RADIL: variants seen among roughly 807,000 people sequenced by gnomAD.
RADIL encodes the protein Rap associating with DIL domain, also known as ras-associating and dilute domain-containing protein.
RADIL carries 99 observed loss-of-function variants against 97.6 expected under a neutral mutation model. The observed-to-expected ratio is 1.01, with a 90% CI of 0.86 to 1.20. The LOEUF (loss-of-function observed/expected upper bound fraction) is 1.20, where lower values mean the gene tolerates loss of function less well. RADIL is among the 50% of genes most tolerant of loss of function. RADIL has a pLI of 0.00. For synonymous variants in RADIL, 803 were observed against 691.8 expected (o/e 1.16, Z -2.52); for missense variants, 1,765 against 1,498.9 (o/e 1.18, Z -2.93).
intron 10 of RADIL, chr7:4,805,211 C>T (rs919340694): frequency 2.1e-5 from 6 of 285,344 alleles, no homozygotes; most frequent in South Asian, 1.3e-4. Context: ...CTCAGGGATG[C>T]GTCCCCACGG....
At chr7:4,802,877 C>T (rs1782154228) in intron 11 of RADIL, among the ~76,000 whole-genome samples, 2 of 106,296 alleles carry the variant, frequency 1.9e-5, no homozygotes, top group African/African-American at 8.5e-5. Context: ...CCTCGGGGCA[C>T]TCTGGCTGGG....
At position 4,834,310 on chromosome 7, in the gene RADIL, C is replaced by T. The variant is rs1461122369; in HGVS notation, c.1416+297G>A. ...CTCCTGGCACGTGACAGTGCTGGGC[C>T]CAGCTGGACCCCAGGGAGGGTACAA... On this transcript the variant is annotated intron_variant, in intron 4 of 14. Transcript: ENST00000399583. This position sits in a 1 kb window ranked among gnomAD's most constrained non-coding sequence, Gnocchi z 6.0. Among the ~76,000 whole-genome samples, 3 of 152,074 alleles carry T rather than the reference C, an allele frequency of 2.0e-5. No individual in the cohort carries two copies. The highest frequency in any genetic ancestry group is 1.5e-5 in the Non-Finnish European group (1 of 67,990).
At chr7:4,830,446 G>A (rs904714123) in intron 5 of RADIL, among the ~76,000 whole-genome samples, 17 of 152,204 alleles carry the variant, frequency 1.1e-4, no homozygotes, top group Non-Finnish European at 1.6e-4. Flanking sequence ...GCAAACAGCC[G>A]TTGGAGAGTG....
At chr7:4,832,282 C>G in intron 4 of RADIL, 104 bp from the exon 5 acceptor site, 1 of 1,146,132 alleles carries the variant, frequency 8.7e-7, no homozygotes, top group Middle Eastern at 1.9e-4. Context: ...CCATGCTGCC[C>G]CAGGCATCCT....
At chr7:4,862,727 G>A (rs1048099509) in intron 2 of RADIL, among the ~76,000 whole-genome samples, 4 of 151,854 alleles carry the variant, frequency 2.6e-5, no homozygotes, top group South Asian at 2.1e-4. Context: ...GAGAAACCCC[G>A]TCACTACTAA....
chr7:4,849,887 A>G lies in RADIL; in HGVS notation c.536-13282T>C, dbSNP rs181280745. The stretch of plus-strand genomic sequence containing the variant: ...TAAAAATCCTAGGTAATAAGAAAGT[A>G]TTATGTCCTAGTTTAATTGTATTTT... On this transcript the variant is annotated intron_variant, in intron 2 of 14. Coordinates refer to ENST00000399583, the MANE Select transcript of RADIL (RefSeq NM_018059.5). The surrounding 1 kb of genome is among the most constrained non-coding windows in gnomAD (Gnocchi z 5.4). Among the ~76,000 whole-genome samples the G allele has an allele frequency of 2.6e-5, 4 of 152,180 alleles. No homozygotes were observed. Among genetic ancestry groups the G allele is most frequent in the Admixed American group, 2.6e-4 (4 of 15,276 alleles).
chr7:4,837,720 A>G lies in RADIL; in HGVS notation c.536-1115T>C, dbSNP rs1292140465. ...ATGCACACAAACATGCGCACAGTTCAGAGATAACACACACCCTTAGAAGAC... is the reference window on the plus strand; with the variant it reads ...ATGCACACAAACATGCGCACAGTTCGGAGATAACACACACCCTTAGAAGAC... On this transcript the variant is annotated intron_variant, in intron 2 of 14. Transcript: ENST00000399583. The surrounding 1 kb of genome is among the most constrained non-coding windows in gnomAD (Gnocchi z 5.6). 2 of 581,088 alleles carry G rather than the reference A, an allele frequency of 3.4e-6. No individual in the cohort carries two copies. The highest frequency in any genetic ancestry group is 4.3e-6 in the Non-Finnish European group (2 of 461,520). The allele number at this position is 581,088 out of a possible 1,614,324, so 36.0% of individuals were successfully genotyped here.
rs532017320 is a variant in RADIL at position 4,809,275 on chromosome 7, C to A, written c.2140-3559G>T. On this transcript the variant is annotated intron_variant, in intron 9 of 14. Coordinates refer to ENST00000399583, the MANE Select transcript of RADIL (RefSeq NM_018059.5). The stretch of plus-strand genomic sequence containing the variant: ...GCCAAGCTGGGCGAGAGGCCGGGGC[C>A]CCCCTTCCATCACGAGGTTCCTGCC... 5.5e-3 allele frequency: 5,403 copies of A among 985,346 alleles called. 26 individuals are homozygous for A. The highest frequency in any genetic ancestry group is 5.9e-3 in the Non-Finnish European group (4,868 of 829,894). The allele number at this position is 985,346 out of a possible 1,614,324, so 61.0% of individuals were successfully genotyped here.
intron 2 of RADIL, chr7:4,865,292 A>G (rs1784106172): frequency 4.5e-6 from 2 of 441,454 alleles, no homozygotes; most frequent in South Asian, 5.0e-5. Flanking sequence ...ATTTTGGACA[A>G]CAGACCATAT....
chr7:4,808,221 C>T (rs1782408979), intron 9 of RADIL, among the ~76,000 whole-genome samples: 3 of 149,226 alleles, frequency 2.0e-5, no homozygotes, highest in African/African-American at 2.5e-5. Context: ...GGCATCCCTC[C>T]GCCCCCTCTC....
intron 2 of RADIL, chr7:4,860,191 A>T: frequency 6.2e-7 from 1 of 1,614,032 alleles, no homozygotes; most frequent in Non-Finnish European, 8.5e-7. Flanking sequence ...TCATAGTGCT[A>T]GTAGATGAAG....
chr7:4,805,573 GA>G lies in RADIL; in HGVS notation c.2282del (p.Phe761SerfsTer111). 1 of 1,599,914 alleles carries G rather than the reference GA, an allele frequency of 6.3e-7. No homozygotes were observed. On this transcript the variant is annotated frameshift_variant, in exon 10 of 15. Coordinates refer to ENST00000399583, the MANE Select transcript of RADIL (RefSeq NM_018059.5). LOFTEE classifies it high-confidence loss of function. ...EPGAQDSPEA[F>X]RSEDVLESYE... is the part of the protein sequence containing the mutation. The stretch of plus-strand genomic sequence containing the variant: ...CCCTGGGGCAGGGCTTACCTGACCT[GA>G]AGGCCTCGGGGCTGTCCTGGGCCCC...
At position 4,805,640 on chromosome 7, in the gene RADIL, T is replaced by G; in HGVS notation, c.2216A>C (p.Gln739Pro). 6.2e-7 allele frequency: 1 copy of G among 1,611,862 alleles called. No individual in the cohort carries two copies. Among genetic ancestry groups the G allele is most frequent in the Non-Finnish European group, 8.5e-7 (1 of 1,179,878 alleles). The change falls in exon 10 of 15, where the codon CAG (glutamine) becomes CCG (proline). Residue 739 changes from glutamine to proline, a missense_variant. By Grantham distance (76) the Gln-to-Pro change is moderately conservative (BLOSUM62 -1). Transcript: ENST00000399583. ...CATGGGGCCCATGGCCGAGGCCAGCTGGTAGTGAGTCAGCAGCCGGTGCAG... is the reference window on the plus strand; with the variant it reads ...CATGGGGCCCATGGCCGAGGCCAGCGGGTAGTGAGTCAGCAGCCGGTGCAG... ...AQLHRLLTHY[Q>P]LASAMGPMST...
In RADIL at chr7:4,880,136, G is replaced by C. The variant is rs1036548297; in HGVS notation, c.-64-1933C>G. 6.6e-6 allele frequency among the ~76,000 whole-genome samples: 1 copy of C among 152,134 alleles called. No individual in the cohort carries two copies. Among genetic ancestry groups the C allele is most frequent in the Non-Finnish European group, 1.5e-5 (1 of 68,034 alleles). On this transcript the variant is annotated intron_variant, in intron 1 of 14. Transcript: ENST00000399583. The surrounding 1 kb of genome is among the most constrained non-coding windows in gnomAD (Gnocchi z 4.5). Reference sequence around the variant, plus strand: ...GGCTTTCTGAAGAGGTGAATTTGCTGTAACAGGTCACGGAGTTCCCAGTAC... The same window carrying C: ...GGCTTTCTGAAGAGGTGAATTTGCTCTAACAGGTCACGGAGTTCCCAGTAC...
At position 4,836,436 on chromosome 7, in the gene RADIL, C is replaced by T. The variant is rs757727545; in HGVS notation, c.705G>A (p.Glu235=). 1 of 1,594,736 alleles carries T rather than the reference C, an allele frequency of 6.3e-7. No homozygotes were observed. The highest frequency in any genetic ancestry group is 1.3e-5 in the African/African-American group (1 of 74,638). Residue 235 remains glutamate (E), a synonymous_variant, in exon 3 of 15, where the codon GAG becomes GAA. Transcript: ENST00000399583. ...AGTACCGCATGGCGTCGGGGCCGGG[C>T]TCCTCGGGGCCCTGGGCGGCAGCGG... is the stretch of plus-strand genomic sequence containing the variant. ...ALPAAAQGPE[E]PGPDAMRYSL... is the part of the protein sequence containing the mutation.
intron 2 of RADIL, chr7:4,861,159 T>A: frequency 1.2e-6 from 2 of 1,614,252 alleles, no homozygotes; most frequent in East Asian, 4.5e-5. Context: ...AAGTTGTCAA[T>A]GTTTGGCACT....
rs1269460783 is a variant in RADIL, at chr7:4,834,905, C to T, written c.1118G>A (p.Arg373Gln). The T allele has an allele frequency of 2.0e-6, 3 of 1,522,008 alleles. No individual in the cohort carries two copies. In the African/African-American group the frequency reaches 4.1e-5, roughly 21 times the overall value. The allele number at this position is 1,522,008 out of a possible 1,614,324, so 94.3% of individuals were successfully genotyped here. A position where few individuals can be genotyped will look rare whatever the true frequency, so the allele number is the denominator to read the frequency against. ...PLPARALARL[R>Q]AVPQSCRLCG... is the part of the protein sequence containing the mutation. ...CAGCCGGCAGCTCTGCGGCACAGCC[C>T]GGAGGCGCGCCAAGGCCCGGGCGGG... Residue 373 changes from arginine to glutamine, a missense_variant, in exon 4 of 15, where the codon CGG becomes CAG. Coordinates refer to ENST00000399583, the MANE Select transcript of RADIL (RefSeq NM_018059.5). This position sits in a 1 kb window ranked among gnomAD's most constrained non-coding sequence, Gnocchi z 6.0.
At chr7:4,861,858 T>TCACGTCCCCCACCACCGCGACCTA in intron 2 of RADIL, 3 of 1,291,340 alleles carry the variant, frequency 2.3e-6, no homozygotes, top group South Asian at 2.0e-5. Flanking sequence ...ACCGCGACCT[T>TCACGTCCCCCACCACCGCGACCTA]CGCGGCCGCC....
Position 4,835,642 on chromosome 7 carries a change from C to G in RADIL, c.784-403G>C, listed in dbSNP as rs111327510. Among the ~76,000 whole-genome samples the G allele has an allele frequency of 5.9e-5, 9 of 152,230 alleles. No individual in the cohort carries two copies. The highest frequency in any genetic ancestry group is 1.9e-4 in the East Asian group (1 of 5,158). ...GAGCACCACCCCCAGTGTGGGAGCA[C>G]TGCCGCCTGTGTGAGAGCACTGCCC... On this transcript the variant is annotated intron_variant, in intron 3 of 14. Coordinates refer to ENST00000399583, the MANE Select transcript of RADIL (RefSeq NM_018059.5). This position sits in a 1 kb window ranked among gnomAD's most constrained non-coding sequence, Gnocchi z 5.8.
Sources: gnomAD v4.1 joint callset for allele counts (sites outside exome capture counted in the v4.1 genomes callset) on GRCh38, gnomAD v4.1.1 for gene constraint, Gnocchi (gnomAD v3.1) non-coding constraint, MANE v1.5 for transcripts, NCBI Gene and HGNC (gene_info 2026-07-23, HGNC 2026-07-21) for gene names.